The following PLEKHH2 variants were observed in gnomAD, a reference collection of about 807,000 sequenced individuals.
PLEKHH2 encodes the protein pleckstrin homology domain-containing family H member 2.
In PLEKHH2, 129 loss-of-function variants were observed where a neutral mutation model predicts 187.9. The ratio of observed to expected loss-of-function variants is 0.69; its 90% confidence interval spans 0.59 to 0.79. The LOEUF is 0.79. Ranked by LOEUF, PLEKHH2 falls within the 30% of genes least tolerant of loss-of-function variation. PLEKHH2 has a pLI of 0.00. For synonymous variants in PLEKHH2, 686 were observed against 605.6 expected (o/e 1.13, Z -1.95); for missense variants, 2,076 against 1,751.2 (o/e 1.19, Z -3.31).
At chr2:43,735,439 G>A (rs1671244241) in intron 19 of PLEKHH2, among the ~76,000 whole-genome samples, 1 of 152,126 alleles carries the variant, frequency 6.6e-6, no homozygotes, top group South Asian at 2.1e-4. Flanking sequence ...AGGGGGTGGA[G>A]GGATGAAAGG....
Position 43,720,753 on chromosome 2 carries a change from T to C in PLEKHH2, c.2541+4T>C, listed in dbSNP as rs762438906. ...TTTTCGGAGTCAAGAAGATAAGGTATGTATGTATTTTTAATATGCCAATTG... is the reference window on the plus strand; with the variant it reads ...TTTTCGGAGTCAAGAAGATAAGGTACGTATGTATTTTTAATATGCCAATTG... On this transcript the variant is annotated splice_donor_region_variant and intron_variant, in intron 16 of 29. Coordinates refer to ENST00000282406, the MANE Select transcript of PLEKHH2 (RefSeq NM_172069.4). 6.3e-7 allele frequency: 1 copy of C among 1,598,570 alleles called. No homozygotes were observed. The highest frequency in any genetic ancestry group is 8.5e-7 in the Non-Finnish European group (1 of 1,175,652).
chr2:43,759,935 A>G (rs1333320188), intron 27 of PLEKHH2, among the ~76,000 whole-genome samples: 1 of 152,202 alleles, frequency 6.6e-6, no homozygotes, highest in Non-Finnish European at 1.5e-5. Flanking sequence ...CTCTGATTCT[A>G]TGAGTGACTA....
At chr2:43,677,591 T>A (rs886841307) in intron 2 of PLEKHH2, among the ~76,000 whole-genome samples, 5 of 151,596 alleles carry the variant, frequency 3.3e-5, no homozygotes, top group Non-Finnish European at 7.4e-5. Context: ...GTCTCCCATG[T>A]CTACTTCTTT....
rs766035508 is a variant in PLEKHH2 at position 43,745,818 on chromosome 2, G to A, written c.3556-48G>A. 4 of 1,411,748 alleles carry A rather than the reference G, an allele frequency of 2.8e-6. No homozygotes were observed. In the Admixed American group the frequency reaches 5.8e-5, roughly 21 times the overall value. 87.5% of individuals were successfully genotyped at this position (1,411,748 alleles called of 1,614,324 possible). A position where few individuals can be genotyped will look rare whatever the true frequency, so the allele number is the denominator to read the frequency against. ...TGCAGCACACTTGTCTTCAAAAAAT[G>A]TTGATTTGAAAAGTACTGTAAATCT... On this transcript the variant is annotated intron_variant, in intron 23 of 29. Transcript: ENST00000282406.
At chr2:43,656,119 G>A (rs924171689) in intron 2 of PLEKHH2, among the ~76,000 whole-genome samples, 8 of 151,884 alleles carry the variant, frequency 5.3e-5, no homozygotes, top group Admixed American at 3.9e-4. Flanking sequence ...CCATCATGCC[G>A]GCTAATTTTG....
rs958006870 is a variant in PLEKHH2, at chr2:43,695,335, C to G, written c.502+111C>G. The G allele has an allele frequency of 5.8e-6, 3 of 515,828 alleles. No individual in the cohort carries two copies. In the African/African-American group the frequency reaches 5.9e-5, roughly 10 times the overall value. The allele number at this position is 515,828 out of a possible 1,614,324, so 32.0% of individuals were successfully genotyped here. On this transcript the variant is annotated intron_variant, in intron 6 of 29. Coordinates refer to ENST00000282406, the MANE Select transcript of PLEKHH2 (RefSeq NM_172069.4). ...ATGGATGTCATCCAAGAAGCTGTTG[C>G]CATAAAATGAAAGAGAATTACTAAA...
chr2:43,687,551 T>G (rs921542971), intron 3 of PLEKHH2, among the ~76,000 whole-genome samples: 1 of 152,226 alleles, frequency 6.6e-6, no homozygotes, highest in Admixed American at 6.5e-5. Context: ...TCTGTTTCTT[T>G]GAGAAACCTC....
chr2:43,767,262 C>A lies in PLEKHH2; in HGVS notation c.*1664C>A, dbSNP rs1343891657. The A allele has an allele frequency of 2.0e-5, 3 of 152,158 alleles. No individual in the cohort carries two copies. The highest frequency in any genetic ancestry group is 4.4e-5 in the Non-Finnish European group (3 of 67,992). 9.4% of individuals were successfully genotyped at this position (152,158 alleles called of 1,614,324 possible). A position where few individuals can be genotyped will look rare whatever the true frequency, so the allele number is the denominator to read the frequency against. On this transcript the variant is annotated 3_prime_UTR_variant, in exon 30 of 30. Transcript: ENST00000282406. The stretch of plus-strand genomic sequence containing the variant: ...GTTGCCCGAGCCTTCATATTTTCTT[C>A]TTTGCTGCCTTCTCCCTGTGGCAAT...
chr2:43,737,127 G>C (rs1002286419), intron 19 of PLEKHH2, among the ~76,000 whole-genome samples: 1 of 152,120 alleles, frequency 6.6e-6, no homozygotes, highest in Non-Finnish European at 1.5e-5. Flanking sequence ...GGCTGTTTTG[G>C]TCCACCCTAA....
rs116099172 is a variant in PLEKHH2 at position 43,725,726 on chromosome 2, G to A, written c.2542-546G>A. ...GAAGTTAAATCTCTAATATGTATAT[G>A]GTTCTTTCATATTACTTTTAGGCTC... On this transcript the variant is annotated intron_variant, in intron 16 of 29. Transcript: ENST00000282406. 1.7e-3 allele frequency among the ~76,000 whole-genome samples: 254 copies of A among 152,190 alleles called. 2 individuals are homozygous for A. Among genetic ancestry groups the A allele is most frequent in the African/African-American group, 5.8e-3 (239 of 41,540 alleles).
At chr2:43,691,701 A>G (rs957543973) in intron 3 of PLEKHH2, among the ~76,000 whole-genome samples, 4 of 152,128 alleles carry the variant, frequency 2.6e-5, no homozygotes, top group African/African-American at 9.7e-5. Flanking sequence ...AAACATATTT[A>G]TTATATTTGT....
chr2:43,670,246 C>T (rs1411108978), intron 2 of PLEKHH2, among the ~76,000 whole-genome samples: 3 of 152,110 alleles, frequency 2.0e-5, no homozygotes, highest in South Asian at 4.1e-4. Context: ...TTTCAGATAT[C>T]AAGGAAAGCA....
chr2:43,709,948 C>T, intron 11 of PLEKHH2, 42 bp from the exon 12 acceptor site: 2 of 1,556,052 alleles, frequency 1.3e-6, no homozygotes, highest in South Asian at 1.2e-5. Context: ...TGGCCCTCCC[C>T]AGTATTAAAT....
intron 25 of PLEKHH2, among the ~76,000 whole-genome samples, chr2:43,754,557 G>T (rs1040404878): frequency 1.2e-4 from 19 of 152,164 alleles, no homozygotes; most frequent in Non-Finnish European, 2.4e-4. Context: ...GGTCTCAGCG[G>T]GGTGGCAGTG....
intron 8 of PLEKHH2, among the ~76,000 whole-genome samples, chr2:43,702,900 A>C (rs1228720214): frequency 6.6e-6 from 1 of 152,096 alleles, no homozygotes; most frequent in African/African-American, 2.4e-5. Context: ...TTGTCCTCCC[A>C]GGCCTCCAGT....
In PLEKHH2 at chr2:43,678,886, T is replaced by G; in HGVS notation, c.147T>G (p.Val49=). Residue 49 remains valine (V), a synonymous_variant, in exon 3 of 30, where the codon GTT becomes GTG. Coordinates refer to ENST00000282406, the MANE Select transcript of PLEKHH2 (RefSeq NM_172069.4). ...AGATGCAACAGCTTGAGAGACAAGT[T>G]ATTGATGCTGAACGTCAAGCAGAAA... The part of the protein sequence containing the change: ...AEKMQQLERQ[V]IDAERQAEKA... 6.2e-7 allele frequency: 1 copy of G among 1,607,442 alleles called. No homozygotes were observed. Among genetic ancestry groups the G allele is most frequent in the South Asian group, 1.1e-5 (1 of 90,224 alleles).
intron 6 of PLEKHH2, among the ~76,000 whole-genome samples, chr2:43,696,746 G>C (rs1378084401): frequency 6.6e-6 from 1 of 152,128 alleles, no homozygotes; most frequent in South Asian, 2.1e-4. Flanking sequence ...AAGTTTCTTT[G>C]GTTATTTCGG....
At chr2:43,753,894 A>G in intron 25 of PLEKHH2, 134 bp downstream of exon 25, 1 of 707,900 alleles carries the variant, frequency 1.4e-6, no homozygotes. Flanking sequence ...TAAAAATTAC[A>G]GGCACTATAA....
chr2:43,718,099 A>G (rs1198322934), intron 15 of PLEKHH2, among the ~76,000 whole-genome samples: 1 of 152,206 alleles, frequency 6.6e-6, no homozygotes, highest in Non-Finnish European at 1.5e-5. Flanking sequence ...AAACAAAACC[A>G]ATAGAAACTA....
Sources: gnomAD v4.1 joint callset for allele counts (sites outside exome capture counted in the v4.1 genomes callset) on GRCh38, gnomAD v4.1.1 for gene constraint, MANE v1.5 for transcripts, NCBI Gene and HGNC (gene_info 2026-07-23, HGNC 2026-07-21) for gene names.